The following CRB1 variants were observed in gnomAD, a reference collection of about 807,000 sequenced individuals.
The protein encoded by CRB1 is protein crumbs homolog 1.
Under a neutral mutation model 120.0 loss-of-function variants are expected in CRB1, and 83 were observed. The observed-to-expected ratio is 0.69, with a 90% CI of 0.58 to 0.83. The LOEUF is 0.83. CRB1 is among the 40% of genes least tolerant of loss of function. CRB1 has a pLI of 0.00. For synonymous variants in CRB1, 625 were observed against 612.5 expected, an observed-to-expected ratio of 1.02 and a Z score of -0.30; for missense variants, 1,699 against 1,687.6, an observed-to-expected ratio of 1.01 and a Z score of -0.12.
chr1:197,363,495 T>C (rs903630657), intron 5 of CRB1, among the ~76,000 whole-genome samples: 3 of 152,200 alleles, frequency 2.0e-5, no homozygotes, highest in Non-Finnish European at 4.4e-5. Flanking sequence ...ACAGTTCTTT[T>C]CTCATGGAAC....
At chr1:197,474,083 T>TA (rs1350567237) in intron 11 of CRB1, among the ~76,000 whole-genome samples, 1 of 152,214 alleles carries the variant, frequency 6.6e-6, no homozygotes, top group Non-Finnish European at 1.5e-5. Context: ...AATTCTAGTT[T>TA]ATCTTTTAAA....
At chr1:197,259,021 A>G in the CRB1 span, among the ~76,000 whole-genome samples, 1 of 152,310 alleles carries the variant, frequency 6.6e-6, no homozygotes, top group Middle Eastern at 3.4e-3. Flanking sequence ...TAGTTTTTCA[A>G]GAAACAACAG....
At chr1:197,417,174 G>A (rs1664050319) in intron 5 of CRB1, among the ~76,000 whole-genome samples, 1 of 152,162 alleles carries the variant, frequency 6.6e-6, no homozygotes, top group South Asian at 2.1e-4. Context: ...AGTGACCATA[G>A]CTTCCAGGAG....
rs777099127 is a variant in CRB1 at position 197,328,660 on chromosome 1, T to C, written c.309T>C (p.Ser103=). 1.9e-6 allele frequency: 3 copies of C among 1,614,062 alleles called. No homozygotes were observed. The highest frequency in any genetic ancestry group is 2.5e-6 in the Non-Finnish European group (3 of 1,179,936). Residue 103 remains serine, a synonymous_variant, in exon 2 of 12, where the codon AGT becomes AGC. Coordinates refer to ENST00000367400, the MANE Select transcript of CRB1 (RefSeq NM_201253.3). ...SFLCKCPPGY[S]GTICETTIGS... is the part of the protein sequence containing the mutation. The stretch of plus-strand genomic sequence containing the variant: ...TGTGCAAATGTCCTCCTGGGTACAG[T>C]GGGACAATCTGTGAAACTACCATTG...
chr1:197,464,642 A>C (rs1332242411), intron 11 of CRB1, among the ~76,000 whole-genome samples: 1 of 152,190 alleles, frequency 6.6e-6, no homozygotes, highest in Non-Finnish European at 1.5e-5. Context: ...AGATTATTTA[A>C]GTCACTAAGA....
intron 5 of CRB1, among the ~76,000 whole-genome samples, chr1:197,386,011 C>T (rs566802909): frequency 6.6e-6 from 1 of 151,980 alleles, no homozygotes; most frequent in Non-Finnish European, 1.5e-5. Context: ...TCTTCTAAAG[C>T]AATTTGTACA....
chr1:197,278,436 G>T (rs1245527618), intron 1 of CRB1, among the ~76,000 whole-genome samples: 1 of 151,902 alleles, frequency 6.6e-6, no homozygotes, highest in Non-Finnish European at 1.5e-5. Flanking sequence ...GTTTGTTTTG[G>T]CAGCCTAAAC....
chr1:197,412,926 G>T (rs2821121), intron 5 of CRB1, among the ~76,000 whole-genome samples: 1 of 151,906 alleles, frequency 6.6e-6, no homozygotes, highest in South Asian at 2.1e-4. Flanking sequence ...GTTACCTGGC[G>T]ATTATTTTTT....
intron 2 of CRB1, among the ~76,000 whole-genome samples, chr1:197,330,755 T>C (rs1018594514): frequency 2.0e-5 from 3 of 151,454 alleles, no homozygotes; most frequent in Admixed American, 2.0e-4. Flanking sequence ...GAATCCCCTA[T>C]AATTCTTTCC....
intron 11 of CRB1, among the ~76,000 whole-genome samples, chr1:197,465,309 C>A (rs890304853): frequency 6.6e-6 from 1 of 152,106 alleles, no homozygotes; most frequent in Non-Finnish European, 1.5e-5. Flanking sequence ...CAAATGAAAA[C>A]CTAGCCTTTG....
Position 197,442,287 on chromosome 1 carries a change from G to A in CRB1, c.4000G>A (p.Val1334Met), listed in dbSNP as rs754862028. 8 of 1,614,062 alleles carry A rather than the reference G, an allele frequency of 5.0e-6. No individual in the cohort carries two copies. In the Admixed American group the frequency reaches 1.3e-4, roughly 27 times the overall value. ...TGCCTTTGCTGGCGAGCGCTGCGAG[G>A]TGGACGTAAGCAGCCTCTCCTTTTA... ...DVAFAGERCE[V>M]DLADDLISDI... Residue 1334 changes from valine (V) to methionine (M), a missense_variant, in exon 11 of 12, where the codon GTG becomes ATG. Val to Met is a conservative substitution (Grantham distance 21). Transcript: ENST00000367400.
At chr1:197,420,406 A>G (rs960485186) in intron 5 of CRB1, among the ~76,000 whole-genome samples, 1 of 152,230 alleles carries the variant, frequency 6.6e-6, no homozygotes, top group African/African-American at 2.4e-5. Flanking sequence ...TTGTTATGGT[A>G]TAGACATCAT....
At chr1:197,257,557 A>G in the CRB1 span, among the ~76,000 whole-genome samples, 3 of 152,052 alleles carry the variant, frequency 2.0e-5, no homozygotes, top group South Asian at 2.1e-4. Context: ...ACAAAAGTCT[A>G]TTTTCTTGCA....
intron 11 of CRB1, among the ~76,000 whole-genome samples, chr1:197,448,605 G>A (rs980881640): frequency 2.6e-5 from 4 of 152,152 alleles, no homozygotes; most frequent in African/African-American, 9.7e-5. Flanking sequence ...TCCCTTACGT[G>A]CTGTTCCTCC....
chr1:197,386,910 T>G (rs534024678), intron 5 of CRB1, among the ~76,000 whole-genome samples: 6 of 152,158 alleles, frequency 3.9e-5, no homozygotes, highest in Non-Finnish European at 8.8e-5. Flanking sequence ...AATTCCATAG[T>G]AATAGCTATG....
intron 4 of CRB1, among the ~76,000 whole-genome samples, chr1:197,353,608 C>G (rs1660234291): frequency 6.6e-6 from 1 of 151,976 alleles, no homozygotes; most frequent in Non-Finnish European, 1.5e-5. Flanking sequence ...CGAGACTAGA[C>G]TGGCCAACAT....
intron 2 of CRB1, among the ~76,000 whole-genome samples, chr1:197,330,120 A>C (rs956728533): frequency 2.0e-5 from 3 of 152,172 alleles, no homozygotes; most frequent in African/African-American, 7.2e-5. Flanking sequence ...TATTTTATAA[A>C]ATAGACACAT....
intron 4 of CRB1, among the ~76,000 whole-genome samples, chr1:197,351,141 A>G (rs1192936752): frequency 6.8e-6 from 1 of 147,418 alleles, no homozygotes; most frequent in Admixed American, 6.9e-5. Flanking sequence ...CAGGAGTTTG[A>G]GACCAGCCTG....
chr1:197,263,317 T>C (rs1306985593), upstream of CRB1, among the ~76,000 whole-genome samples: 1 of 152,188 alleles, frequency 6.6e-6, no homozygotes, highest in Non-Finnish European at 1.5e-5. Context: ...TGTTGGCTGC[T>C]TGTATGTCTT....
Sources: allele counts gnomAD v4.1 joint callset (sites outside exome capture counted in the v4.1 genomes callset), GRCh38; gene constraint gnomAD v4.1.1; transcripts MANE v1.5; gene names NCBI Gene and HGNC (gene_info 2026-07-23, HGNC 2026-07-21).